PKNOX1: variants seen among roughly 807,000 people sequenced by gnomAD.
PKNOX1 encodes the protein PBX/knotted 1 homeobox 1.
In PKNOX1, 15 loss-of-function variants were observed where a neutral mutation model predicts 51.9. The observed-to-expected ratio is 0.29, with a 90% CI of 0.19 to 0.45. The LOEUF (loss-of-function observed/expected upper bound fraction) is 0.45. PKNOX1 is among the 20% of genes least tolerant of loss of function. The probability of loss-of-function intolerance (pLI) is 1.00; values close to 1 mark genes in which losing one functional copy is unlikely to be tolerated. For synonymous variants in PKNOX1, 219 were observed against 211.1 expected, an observed-to-expected ratio of 1.04 and a Z score of -0.32; for missense variants, 462 against 547.5, an observed-to-expected ratio of 0.84 and a Z score of 1.56.
intron 10 of PKNOX1, among the ~76,000 whole-genome samples, chr21:43,029,247 T>C (rs562006172): frequency 1.4e-4 from 21 of 152,096 alleles, no homozygotes; most frequent in Admixed American, 7.9e-4. Context: ...TTCTTTCTCT[T>C]CATCCCCCAT....
chr21:43,007,031 G>A (rs1979018504), intron 2 of PKNOX1, among the ~76,000 whole-genome samples: 2 of 152,172 alleles, frequency 1.3e-5, no homozygotes, highest in South Asian at 4.1e-4. Flanking sequence ...TTATGGCTAT[G>A]TATTGCTGAG....
chr21:42,976,584 C>T (rs2058998681), intron 1 of PKNOX1, among the ~76,000 whole-genome samples: 1 of 152,208 alleles, frequency 6.6e-6, no homozygotes, highest in South Asian at 2.1e-4. Flanking sequence ...TGTGATATTC[C>T]AAATGTTTTG....
chr21:42,997,298 C>T (rs1212772597), intron 1 of PKNOX1, among the ~76,000 whole-genome samples: 4 of 152,210 alleles, frequency 2.6e-5, no homozygotes, highest in East Asian at 1.9e-4. Context: ...CGTCAGCAGA[C>T]GCTGCCTGTG....
chr21:43,007,168 C>T (rs954361923), intron 2 of PKNOX1, among the ~76,000 whole-genome samples: 6 of 152,162 alleles, frequency 3.9e-5, no homozygotes, highest in African/African-American at 1.2e-4. Flanking sequence ...TGTAGTATTG[C>T]TACACGTGAG....
chr21:43,026,593 C>T (rs1013472889), intron 9 of PKNOX1, among the ~76,000 whole-genome samples: 1 of 152,110 alleles, frequency 6.6e-6, no homozygotes, highest in Admixed American at 6.5e-5. Flanking sequence ...CCTGTCTCTA[C>T]TAAAAATAGA....
rs1206926614 is a variant in PKNOX1 at position 43,021,761 on chromosome 21, G to T, written c.849+330G>T. On this transcript the variant is annotated intron_variant, in intron 8 of 10. Coordinates refer to ENST00000291547, the MANE Select transcript of PKNOX1 (RefSeq NM_004571.5). This position sits in a 1 kb window ranked among gnomAD's most constrained non-coding sequence, Gnocchi z 4.6. Reference sequence around the variant, plus strand: ...TTGGGCAGCAGCTGGGGAAGTTGCTGTGTTTCTGTGTGTTGGATTAACAAG... The same window carrying T: ...TTGGGCAGCAGCTGGGGAAGTTGCTTTGTTTCTGTGTGTTGGATTAACAAG... Among the ~76,000 whole-genome samples, 2 of 152,244 alleles carry T rather than the reference G, an allele frequency of 1.3e-5. No homozygotes were observed. Among genetic ancestry groups the T allele is most frequent in the East Asian group, 3.8e-4 (2 of 5,198 alleles).
At chr21:42,980,263 C>T (rs1470854748) in intron 1 of PKNOX1, among the ~76,000 whole-genome samples, 2 of 152,008 alleles carry the variant, frequency 1.3e-5, no homozygotes, top group East Asian at 1.9e-4. Flanking sequence ...TCCCCAGCTA[C>T]TCGGGAGGCT....
chr21:42,992,131 C>G (rs950888573), intron 1 of PKNOX1, among the ~76,000 whole-genome samples: 1 of 152,236 alleles, frequency 6.6e-6, no homozygotes, highest in African/African-American at 2.4e-5. Flanking sequence ...GCTTCATCAG[C>G]TCACCCTGTG....
In PKNOX1 at chr21:43,007,595, T is replaced by C. The variant is rs769856825; in HGVS notation, c.156T>C (p.Asp52=). 1.2e-6 allele frequency: 2 copies of C among 1,614,174 alleles called. No individual in the cohort carries two copies. The highest frequency in any genetic ancestry group is 1.1e-5 in the South Asian group (1 of 91,082). ...CTGTGGAGTCTCAGACCCCGATGGA[T>C]GTGGACAAGCAGGCCATTTATAGGT... ...PPPVESQTPM[D]VDKQAIYRHP... is the part of the protein sequence containing the mutation. The change falls in exon 3 of 11, where the codon GAT becomes GAC. Residue 52 remains aspartate, a synonymous_variant. Coordinates refer to ENST00000291547, the MANE Select transcript of PKNOX1 (RefSeq NM_004571.5).
chr21:43,020,599 TGCCC>T (rs1358889468), intron 7 of PKNOX1: 4 of 152,430 alleles, frequency 2.6e-5, no homozygotes, highest in Non-Finnish European at 5.9e-5. Context: ...AGTCAGCCTG[TGCCC>T]TCCTGTTCTG....
At chr21:43,004,232 G>A (rs375186021) in intron 1 of PKNOX1, 94 bp from the exon 2 acceptor site, 47 of 569,414 alleles carry the variant, frequency 8.3e-5, no homozygotes, top group East Asian at 7.1e-4. Flanking sequence ...AGTGAAACTC[G>A]GTCTCAAAAA....
Position 43,031,787 on chromosome 21 carries a change from AAC to A in PKNOX1, c.*1692_*1693del, listed in dbSNP as rs1394872696. On this transcript the variant is annotated 3_prime_UTR_variant, in exon 11 of 11. Coordinates refer to ENST00000291547, the MANE Select transcript of PKNOX1 (RefSeq NM_004571.5). ...AATTGAGGTTAAGAAGTCAGTGGGAAACACACAGAAATTTGTTTTAAAATCTT... is the reference window on the plus strand; with the variant it reads ...AATTGAGGTTAAGAAGTCAGTGGGAAACACAGAAATTTGTTTTAAAATCTT... The A allele has an allele frequency of 6.2e-6, 1 of 162,586 alleles. No homozygotes were observed. Among genetic ancestry groups the A allele is most frequent in the Non-Finnish European group, 1.4e-5 (1 of 73,890 alleles). The allele number at this position is 162,586 out of a possible 1,614,324, so 10.1% of individuals were successfully genotyped here. A position where few individuals can be genotyped will look rare whatever the true frequency, so the allele number is the denominator to read the frequency against.
chr21:42,981,867 CAG>C (rs1322602352), intron 1 of PKNOX1, among the ~76,000 whole-genome samples: 1 of 152,188 alleles, frequency 6.6e-6, no homozygotes, highest in Non-Finnish European at 1.5e-5. Flanking sequence ...ATAAAGAAAA[CAG>C]GAGTCTATGG....
At position 43,032,495 on chromosome 21, in the gene PKNOX1, C is replaced by T. The variant is rs1980320451; in HGVS notation, c.*2394C>T. The T allele has an allele frequency of 1.3e-5, 3 of 238,300 alleles. No homozygotes were observed. Among genetic ancestry groups the T allele is most frequent in the African/African-American group, 6.7e-5 (3 of 44,752 alleles). The allele number at this position is 238,300 out of a possible 1,614,324, so 14.8% of individuals were successfully genotyped here. A position where few individuals can be genotyped will look rare whatever the true frequency, so the allele number is the denominator to read the frequency against. On this transcript the variant is annotated 3_prime_UTR_variant, in exon 11 of 11. Coordinates refer to ENST00000291547, the MANE Select transcript of PKNOX1 (RefSeq NM_004571.5). ...CTGCCCGGCGCAGTAGGGCGTGCCT[C>T]TAGTTCCAGCTACTCGGGAGTCTGA...
rs566521061 is a variant in PKNOX1 at position 43,021,859 on chromosome 21, G to T, written c.849+428G>T. ...GTGGGCCACCGGGTGGGTGCCTTTA[G>T]CTGGAAGCGAGTTTGTCCCACAGGG... On this transcript the variant is annotated intron_variant, in intron 8 of 10. Coordinates refer to ENST00000291547, the MANE Select transcript of PKNOX1 (RefSeq NM_004571.5). The surrounding 1 kb of genome is among the most constrained non-coding windows in gnomAD (Gnocchi z 4.6). Among the ~76,000 whole-genome samples the T allele has an allele frequency of 1.3e-5, 2 of 152,222 alleles. No individual in the cohort carries two copies. Among genetic ancestry groups the T allele is most frequent in the Non-Finnish European group, 2.9e-5 (2 of 68,038 alleles).
At chr21:42,991,738 AAAAAAAAACAAACC>A (rs2059088625) in intron 1 of PKNOX1, among the ~76,000 whole-genome samples, 1 of 152,146 alleles carries the variant, frequency 6.6e-6, no homozygotes, top group African/African-American at 2.4e-5. Context: ...CGTCTCAAAA[AAAAAAAAACAAACC>A]AAAAAAACAA....
At chr21:43,020,660 G>A in intron 7 of PKNOX1, 1 of 152,846 alleles carries the variant, frequency 6.5e-6, no homozygotes, top group Non-Finnish European at 1.5e-5. Context: ...TTTCCCCTCT[G>A]CTCCCCTGGC....
In PKNOX1 at chr21:42,979,678, C is replaced by A. The variant is rs58323216; in HGVS notation, c.-57+5014C>A. On this transcript the variant is annotated intron_variant, in intron 1 of 10. Transcript: ENST00000291547. Reference sequence around the variant, plus strand: ...AATGGCGTGAACCCAGGGGGCGGAGCTTGCAGTGAGCCGAGATCGCGCCAC... The same window carrying A: ...AATGGCGTGAACCCAGGGGGCGGAGATTGCAGTGAGCCGAGATCGCGCCAC... Among the ~76,000 whole-genome samples, 626 of 152,114 alleles carry A rather than the reference C, an allele frequency of 4.1e-3. 4 individuals carry two copies. Among genetic ancestry groups the A allele is most frequent in the African/African-American group, 0.014 (593 of 41,482 alleles).
At position 43,033,759 on chromosome 21, in the gene PKNOX1, ATCTTT is replaced by A. The variant is rs1980379954; in HGVS notation, c.*3663_*3667del. ...GTCAGGTCCATTTACATGTCCAAGA[ATCTTT>A]TCTTAAATTCCTTACTTTGTTCATT... On this transcript the variant is annotated 3_prime_UTR_variant, in exon 11 of 11. Coordinates refer to ENST00000291547, the MANE Select transcript of PKNOX1 (RefSeq NM_004571.5). 1 of 152,232 alleles carries A rather than the reference ATCTTT, an allele frequency of 6.6e-6. No individual in the cohort carries two copies. Among genetic ancestry groups the A allele is most frequent in the Non-Finnish European group, 1.5e-5 (1 of 68,048 alleles). The allele number at this position is 152,232 out of a possible 1,614,324, so 9.4% of individuals were successfully genotyped here.
Sources: allele counts gnomAD v4.1 joint callset (sites outside exome capture counted in the v4.1 genomes callset), GRCh38; gene constraint gnomAD v4.1.1; non-coding constraint Gnocchi (gnomAD v3.1); transcripts MANE v1.5; gene names NCBI Gene and HGNC (gene_info 2026-07-23, HGNC 2026-07-21).